Variants in ZNF385D observed in about 807,000 individuals in gnomAD.
ZNF385D encodes zinc finger protein 385D.
Under a neutral mutation model 35.8 loss-of-function variants are expected in ZNF385D, and 15 were observed. The ratio of observed to expected loss-of-function variants is 0.42; its 90% CI spans 0.28 to 0.64. The LOEUF is 0.64. Among genes scored for constraint, ZNF385D ranks in the 30% least tolerant of loss-of-function variants. The pLI is 0.23. For synonymous variants in ZNF385D, 212 were observed against 186.8 expected (o/e 1.13, Z -1.10); for missense variants, 474 against 494.6 (o/e 0.96, Z 0.39).
chr3:22,257,046 T>C (rs1315348831), intron 2 of ZNF385D, among the ~76,000 whole-genome samples: 1 of 151,798 alleles, frequency 6.6e-6, no homozygotes, highest in East Asian at 1.9e-4. Flanking sequence ...CTGGAGAAGA[T>C]AAAAAGAAGA....
At chr3:21,779,260 G>A (rs2071404174) in intron 3 of ZNF385D, among the ~76,000 whole-genome samples, 1 of 151,910 alleles carries the variant, frequency 6.6e-6, no homozygotes, top group Non-Finnish European at 1.5e-5. Flanking sequence ...AAACAAAATT[G>A]AGCAGATTAT....
At chr3:22,188,807 T>G (rs1432635619) in intron 2 of ZNF385D, among the ~76,000 whole-genome samples, 1 of 152,192 alleles carries the variant, frequency 6.6e-6, no homozygotes, top group Non-Finnish European at 1.5e-5. Flanking sequence ...CTCATGGTAT[T>G]AGGAACTTTT....
At chr3:21,540,128 G>A (rs1336351330) in intron 3 of ZNF385D, among the ~76,000 whole-genome samples, 2 of 152,154 alleles carry the variant, frequency 1.3e-5, no homozygotes, top group Non-Finnish European at 2.9e-5. Context: ...TATGCATTTA[G>A]TTAGAAGCTG....
rs1702141592 is a variant in ZNF385D, at chr3:22,105,183, C to A, written c.325+63634G>T. On this transcript the variant is annotated intron_variant, in intron 3 of 5. Transcript: ENST00000494108. The stretch of plus-strand genomic sequence containing the variant: ...GGGAAGTAGGCAGAAGGGATATAAT[C>A]TTCTGTATATCAGAACCATAAAATA... Among the ~76,000 whole-genome samples, 6 of 151,974 alleles carry A rather than the reference C, an allele frequency of 3.9e-5. 1 individual carries two copies. Among genetic ancestry groups the A allele is most frequent in the Admixed American group, 3.9e-4 (6 of 15,224 alleles).
intron 3 of ZNF385D, among the ~76,000 whole-genome samples, chr3:22,056,940 A>G (rs1391413502): frequency 6.6e-6 from 1 of 152,218 alleles, no homozygotes; most frequent in Non-Finnish European, 1.5e-5. Flanking sequence ...CATCATTTTC[A>G]CCAAAATTGC....
chr3:22,063,566 T>C (rs549863388), intron 3 of ZNF385D, among the ~76,000 whole-genome samples: 2 of 152,286 alleles, frequency 1.3e-5, no homozygotes, highest in African/African-American at 4.8e-5. Flanking sequence ...ATAGTTACAT[T>C]ACAAATAAAT....
intron 3 of ZNF385D, among the ~76,000 whole-genome samples, chr3:21,977,010 T>TAAA (rs1703670843): frequency 6.6e-6 from 1 of 151,972 alleles, no homozygotes; most frequent in African/African-American, 2.4e-5. Context: ...ATAATAATAA[T>TAAA]AAACCACTGC....
intron 2 of ZNF385D, among the ~76,000 whole-genome samples, chr3:22,233,358 T>A (rs1470481957): frequency 2.6e-5 from 4 of 152,026 alleles, no homozygotes; most frequent in African/African-American, 7.2e-5. Flanking sequence ...TAAAAGAAAT[T>A]ATAGAAAAGA....
Position 22,202,607 on chromosome 3 carries a change from A to C in ZNF385D, c.107-33572T>G, listed in dbSNP as rs1046607445. Among the ~76,000 whole-genome samples the C allele has an allele frequency of 3.3e-5, 5 of 152,282 alleles. 1 individual carries two copies. The South Asian group carries it at 1.0e-3, about 32-fold the overall frequency. The stretch of plus-strand genomic sequence containing the variant: ...AACCAAAAATCAGGTAAGTGATCAC[A>C]GTACCTGGTTTTAACTTCCTATCTT... On this transcript the variant is annotated intron_variant, in intron 2 of 5. Transcript: ENST00000494108.
Position 21,488,946 on chromosome 3 carries a change from C to G in ZNF385D, c.439+21915G>C, listed in dbSNP as rs147557860. On this transcript the variant is annotated intron_variant, in intron 4 of 7. Transcript: ENST00000281523. ...TAGTCCCAGAGGATACCATTGTTGC[C>G]GCTAGAGTCAGTCTAAAGCCCTAGC... Among the ~76,000 whole-genome samples the G allele has an allele frequency of 3.7e-3, 563 of 152,182 alleles. 5 individuals are homozygous for G. Among genetic ancestry groups the G allele is most frequent in the African/African-American group, 0.013 (520 of 41,532 alleles).
At chr3:21,773,394 G>A (rs2071158003) in intron 3 of ZNF385D, among the ~76,000 whole-genome samples, 1 of 151,844 alleles carries the variant, frequency 6.6e-6, no homozygotes. Context: ...AAAAGCAATT[G>A]CAGCAAAAGC....
intron 2 of ZNF385D, among the ~76,000 whole-genome samples, chr3:21,623,110 T>A (rs2065049492): frequency 1.3e-5 from 2 of 152,122 alleles, no homozygotes; most frequent in Non-Finnish European, 2.9e-5. Context: ...TGTTACTGCC[T>A]GTGTGATTTT....
chr3:22,166,215 A>G (rs887914237), intron 3 of ZNF385D, among the ~76,000 whole-genome samples: 4 of 127,912 alleles, frequency 3.1e-5, no homozygotes, highest in Non-Finnish European at 5.7e-5. Context: ...ATGAGAGGTC[A>G]CTGAAAATGT....
chr3:21,902,401 G>A (rs915626692), intron 3 of ZNF385D, among the ~76,000 whole-genome samples: 2 of 152,126 alleles, frequency 1.3e-5, no homozygotes, highest in Non-Finnish European at 2.9e-5. Flanking sequence ...AATAGAGATC[G>A]ATCCAGAGGG....
intron 4 of ZNF385D, among the ~76,000 whole-genome samples, chr3:21,454,612 G>T (rs1909964): frequency 0.35 from 52,844 of 151,890 alleles, 9,721 homozygotes; most frequent in Middle Eastern, 0.5. Flanking sequence ...AGCTATTTAT[G>T]ACAAACCCAC....
At chr3:22,110,246 T>G (rs1341488473) in intron 3 of ZNF385D, among the ~76,000 whole-genome samples, 3 of 152,002 alleles carry the variant, frequency 2.0e-5, no homozygotes, top group Non-Finnish European at 4.4e-5. Flanking sequence ...CTCAGGGATC[T>G]AGAACTAGAA....
intron 3 of ZNF385D, among the ~76,000 whole-genome samples, chr3:22,084,340 T>C (rs142310227): frequency 6.6e-6 from 1 of 152,120 alleles, no homozygotes; most frequent in Non-Finnish European, 1.5e-5. Context: ...GACCCACTCA[T>C]GTGCAGAGAC....
At chr3:22,195,766 T>G (rs2125233538) in intron 2 of ZNF385D, among the ~76,000 whole-genome samples, 1 of 152,072 alleles carries the variant, frequency 6.6e-6, no homozygotes, top group South Asian at 2.1e-4. Flanking sequence ...AGACATGGAA[T>G]CAACCTAAAT....
chr3:22,326,751 T>G (rs1694698142), intron 2 of ZNF385D, among the ~76,000 whole-genome samples: 1 of 152,216 alleles, frequency 6.6e-6, no homozygotes. Context: ...TGACCATAAG[T>G]GTACAGCTTG....
Sources: gnomAD v4.1 joint callset for allele counts (sites outside exome capture counted in the v4.1 genomes callset) on GRCh38, gnomAD v4.1.1 for gene constraint, MANE v1.5 for transcripts, NCBI Gene and HGNC (gene_info 2026-07-23, HGNC 2026-07-21) for gene names.